PPP3CA: variants seen among roughly 807,000 people sequenced by gnomAD.
PPP3CA encodes the protein protein phosphatase 3 catalytic subunit alpha.
A neutral mutation model predicts 66.5 loss-of-function variants in PPP3CA; 14 were observed. The ratio of observed to expected loss-of-function variants is 0.21; its 90% CI spans 0.14 to 0.33. PPP3CA has a LOEUF of 0.33. Among genes scored for constraint, PPP3CA ranks in the 10% least tolerant of loss-of-function variants. The pLI is 1.00. For synonymous variants in PPP3CA, 232 were observed against 226.2 expected, an observed-to-expected ratio of 1.03 and a Z score of -0.23; for missense variants, 317 against 639.5, an observed-to-expected ratio of 0.50 and a Z score of 5.44.
chr4:101,250,278 G>C (rs1726631971), intron 1 of PPP3CA: 1 of 448,822 alleles, frequency 2.2e-6, no homozygotes, highest in Non-Finnish European at 4.5e-6. Flanking sequence ...TTTACAGTCA[G>C]ACAGACCTGA....
intron 9 of PPP3CA, among the ~76,000 whole-genome samples, chr4:101,062,241 T>G (rs1417199406): frequency 6.6e-6 from 1 of 152,036 alleles, no homozygotes; most frequent in Non-Finnish European, 1.5e-5. Context: ...AGTTGCAATA[T>G]GGAGTAGTAT....
intron 10 of PPP3CA, among the ~76,000 whole-genome samples, chr4:101,041,304 T>C (rs1727504406): frequency 6.6e-6 from 1 of 152,104 alleles, no homozygotes; most frequent in African/African-American, 2.4e-5. Context: ...TAGATTATTG[T>C]TACAAATAAA....
chr4:101,283,479 AG>A (rs1727747826), intron 1 of PPP3CA, among the ~76,000 whole-genome samples: 1 of 152,238 alleles, frequency 6.6e-6, no homozygotes, highest in Non-Finnish European at 1.5e-5. Context: ...GCAATAAAAA[AG>A]GTAAATAAGT....
At chr4:101,218,914 T>C (rs1408675944) in intron 1 of PPP3CA, among the ~76,000 whole-genome samples, 1 of 152,056 alleles carries the variant, frequency 6.6e-6, no homozygotes. Context: ...ACTCCATAGT[T>C]TTTACTGGCT....
chr4:101,227,369 T>G (rs1725816813), intron 1 of PPP3CA, among the ~76,000 whole-genome samples: 1 of 151,754 alleles, frequency 6.6e-6, no homozygotes, highest in South Asian at 2.1e-4. Context: ...TGTAGTATTA[T>G]CACATATAGG....
intron 1 of PPP3CA, among the ~76,000 whole-genome samples, chr4:101,255,545 ATATTT>A (rs962163108): frequency 3.3e-5 from 5 of 151,676 alleles, no homozygotes; most frequent in Admixed American, 2.6e-4. Flanking sequence ...CTCCTCTCTA[ATATTT>A]TATTATATTT....
chr4:101,336,313 G>T lies in PPP3CA; in HGVS notation c.58+10426C>A, dbSNP rs138611781. On this transcript the variant is annotated intron_variant, in intron 1 of 13. Coordinates refer to ENST00000394854, the MANE Select transcript of PPP3CA (RefSeq NM_000944.5). ...TGGCCGGCCGCAGTGGCTCACGCCT[G>T]TAATCCCAGCACTTTGGGAGGCCAA... Among the ~76,000 whole-genome samples the T allele has an allele frequency of 7.9e-3, 1,202 of 152,132 alleles. 18 individuals are homozygous for T. The highest frequency in any genetic ancestry group is 0.028 in the African/African-American group (1,142 of 41,506).
At chr4:101,346,696 T>A (rs1482103292) in intron 1 of PPP3CA, 43 bp downstream of exon 1, 4 of 1,571,678 alleles carry the variant, frequency 2.5e-6, no homozygotes, top group Non-Finnish European at 3.5e-6. Flanking sequence ...CCCTGGCGCC[T>A]GCGGCACACG....
At chr4:101,230,681 C>T (rs1004332801) in intron 1 of PPP3CA, among the ~76,000 whole-genome samples, 2 of 151,550 alleles carry the variant, frequency 1.3e-5, no homozygotes, top group African/African-American at 2.4e-5. Context: ...ATAGCACCTC[C>T]GAGCTAAAAG....
intron 6 of PPP3CA, among the ~76,000 whole-genome samples, chr4:101,085,218 T>C (rs2110242317): frequency 6.6e-6 from 1 of 152,312 alleles, no homozygotes; most frequent in East Asian, 1.9e-4. Context: ...TTCACTTAAA[T>C]TCCTTGTGCC....
chr4:101,060,350 C>T (rs1017343148), intron 10 of PPP3CA, among the ~76,000 whole-genome samples: 1 of 152,084 alleles, frequency 6.6e-6, no homozygotes, highest in African/African-American at 2.4e-5. Context: ...TGCTAGGAAC[C>T]ACTGCACCCG....
intron 1 of PPP3CA, among the ~76,000 whole-genome samples, chr4:101,230,836 A>G (rs1725938369): frequency 6.6e-6 from 1 of 151,742 alleles, no homozygotes; most frequent in Non-Finnish European, 1.5e-5. Flanking sequence ...TATCCTGAAG[A>G]CACAATGAGG....
chr4:101,256,202 T>C (rs1263853288), intron 1 of PPP3CA, among the ~76,000 whole-genome samples: 1 of 127,656 alleles, frequency 7.8e-6, no homozygotes, highest in Non-Finnish European at 1.6e-5. Flanking sequence ...ATAAAAATGC[T>C]ATATTAGTTT....
intron 1 of PPP3CA, among the ~76,000 whole-genome samples, chr4:101,242,139 C>A (rs899334910): frequency 6.6e-6 from 1 of 151,772 alleles, no homozygotes; most frequent in Non-Finnish European, 1.5e-5. Flanking sequence ...AAATGAAATT[C>A]TTAAGACTCA....
intron 2 of PPP3CA, among the ~76,000 whole-genome samples, chr4:101,173,046 C>T (rs1231313054): frequency 2.0e-5 from 3 of 152,130 alleles, no homozygotes; most frequent in Admixed American, 6.6e-5. Context: ...GCCAACTTCC[C>T]TCCTCAGACT....
At chr4:101,073,228 CGTGTGTGTGT>C (rs74947807) in intron 8 of PPP3CA, among the ~76,000 whole-genome samples, 16 of 143,818 alleles carry the variant, frequency 1.1e-4, no homozygotes, top group Admixed American at 2.1e-4. Context: ...TATATATATA[CGTGTGTGTGT>C]GTGTGTGTGT....
intron 13 of PPP3CA, among the ~76,000 whole-genome samples, chr4:101,027,370 C>T (rs1002382200): frequency 2.6e-5 from 4 of 151,920 alleles, no homozygotes; most frequent in Non-Finnish European, 5.9e-5. Flanking sequence ...AAGATATACA[C>T]AGTTGTTTCA....
rs188432159 is a variant in PPP3CA, at chr4:101,288,554, G to A, written c.58+58185C>T. Among the ~76,000 whole-genome samples, 119 of 151,174 alleles carry A rather than the reference G, an allele frequency of 7.9e-4. 1 individual carries two copies. The highest frequency in any genetic ancestry group is 2.7e-3 in the African/African-American group (110 of 40,920). On this transcript the variant is annotated intron_variant, in intron 1 of 13. Transcript: ENST00000394854. ...AGAAGGGAGAAGGGAGCGGGAGGGGGAGGGGAGTGGTCGGAGGAGGGGATA... is the reference window on the plus strand; with the variant it reads ...AGAAGGGAGAAGGGAGCGGGAGGGGAAGGGGAGTGGTCGGAGGAGGGGATA...
chr4:101,121,113 G>T (rs865965040), intron 2 of PPP3CA, among the ~76,000 whole-genome samples: 10 of 152,154 alleles, frequency 6.6e-5, no homozygotes, highest in Middle Eastern at 3.4e-3. Flanking sequence ...TTCAAATTTA[G>T]TTAAATTTTT....
Sources: gnomAD v4.1 joint callset for allele counts (sites outside exome capture counted in the v4.1 genomes callset) on GRCh38, gnomAD v4.1.1 for gene constraint, MANE v1.5 for transcripts, NCBI Gene and HGNC (gene_info 2026-07-23, HGNC 2026-07-21) for gene names.